MIA2: variants seen among roughly 807,000 people sequenced by gnomAD.
MIA2 encodes the protein melanoma inhibitory activity protein 2.
A neutral mutation model predicts 167.8 loss-of-function variants in MIA2; 127 were observed. The observed-to-expected ratio is 0.76, with a 90% CI of 0.66 to 0.88. The LOEUF is 0.88. Among genes scored for constraint, MIA2 ranks in the 40% least tolerant of loss-of-function variants. MIA2 has a pLI of 0.00. For missense variants in MIA2, 1,690 were observed against 1,624.7 expected, an observed-to-expected ratio of 1.04 and a Z score of -0.69; for synonymous variants, 552 against 541.9, an observed-to-expected ratio of 1.02 and a Z score of -0.26.
At chr14:39,387,245 C>T (rs770656943) in exon 24 of MIA2, 6 of 344,330 alleles carry the variant, frequency 1.7e-5, no homozygotes, top group Admixed American at 4.8e-5. Context: ...ATTCACCCTT[C>T]TAGATGCCAT....
chr14:39,291,049 A>C lies in MIA2; in HGVS notation c.2161A>C (p.Lys721Gln). 1 of 1,608,186 alleles carries C rather than the reference A, an allele frequency of 6.2e-7. No individual in the cohort carries two copies. The highest frequency in any genetic ancestry group is 1.7e-5 in the Admixed American group (1 of 58,906). ...AGGCTATGAAGTAGAGTCATCTTTA[A>C]AGGATGCCAGCTTTGAGAAGGAGGC... is the stretch of plus-strand genomic sequence containing the variant. ...YEGYEVESSL[K>Q]DASFEKEATE... Residue 721 changes from lysine (K) to glutamine (Q), a missense_variant, in exon 10 of 29, where the codon AAG becomes CAG. Lys to Gln is a moderately conservative substitution (Grantham distance 53, BLOSUM62 1). Transcript: ENST00000640607.
chr14:39,285,131 A>C (rs1028078346), intron 9 of MIA2, among the ~76,000 whole-genome samples: 5 of 152,198 alleles, frequency 3.3e-5, no homozygotes, highest in African/African-American at 1.2e-4. Flanking sequence ...GAACAAAATG[A>C]AGTCTCCCAT....
chr14:39,298,365 T>C (rs1420255611), intron 13 of MIA2, among the ~76,000 whole-genome samples: 1 of 146,556 alleles, frequency 6.8e-6, no homozygotes, highest in Non-Finnish European at 1.5e-5. Flanking sequence ...AAATGTGAAT[T>C]TTTTCTTGGA....
At chr14:39,331,818 T>TC (rs2068949843) in intron 25 of MIA2, among the ~76,000 whole-genome samples, 1 of 152,216 alleles carries the variant, frequency 6.6e-6, no homozygotes, top group Non-Finnish European at 1.5e-5. Context: ...TGCAGAGAGA[T>TC]CCGCTGTTAG....
In MIA2 at chr14:39,320,940, A is replaced by G. The variant is rs2066303488; in HGVS notation, c.3380A>G (p.Tyr1127Cys). Reference protein sequence around the residue: ...NTAFGREHSPYGPSPLGWPSS... With the variant: ...NTAFGREHSPCGPSPLGWPSS... ...TTAATTATTCCAGAGCATTCCCCAT[A>G]TGGTCCCTCACCATTGGGTTGGCCT... Residue 1127 changes from tyrosine (Y) to cysteine (C), a missense_variant, in exon 24 of 29, where the codon TAT becomes TGT. By Grantham distance (194) the Tyr-to-Cys change is radical. Transcript: ENST00000640607. 2 of 1,613,104 alleles carry G rather than the reference A, an allele frequency of 1.2e-6. No individual in the cohort carries two copies. Among genetic ancestry groups the G allele is most frequent in the East Asian group, 2.2e-5 (1 of 44,852 alleles).
chr14:39,295,121 T>C (rs1595200996), intron 13 of MIA2, 92 bp downstream of exon 13: 4 of 855,984 alleles, frequency 4.7e-6, no homozygotes, highest in Non-Finnish European at 7.8e-6. Flanking sequence ...GGGACAAGTA[T>C]AGGCTTTTCC....
rs112144897 is a variant in MIA2, at chr14:39,287,297, G to A, written c.2131-3722G>A. Among the ~76,000 whole-genome samples, 665 of 151,934 alleles carry A rather than the reference G, an allele frequency of 4.4e-3. 5 individuals are homozygous for A. The highest frequency in any genetic ancestry group is 0.015 in the African/African-American group (607 of 41,460). On this transcript the variant is annotated intron_variant, in intron 9 of 28. Transcript: ENST00000640607. ...TGGCCAAGTTGCCCAAGCTGGTCTC[G>A]AACTTGGGCTCAAGTGATCCGCTTA...
intron 21 of MIA2, among the ~76,000 whole-genome samples, chr14:39,316,826 G>A (rs890742856): frequency 6.6e-6 from 1 of 152,076 alleles, no homozygotes; most frequent in African/African-American, 2.4e-5. Flanking sequence ...CAGTCCCAGG[G>A]TAAGACGGTA....
At chr14:39,254,219 T>C (rs1388650069) in intron 6 of MIA2, among the ~76,000 whole-genome samples, 1 of 152,062 alleles carries the variant, frequency 6.6e-6, no homozygotes, top group Non-Finnish European at 1.5e-5. Context: ...ATAGGCATTC[T>C]AGGTTGAGAA....
intron 6 of MIA2, among the ~76,000 whole-genome samples, chr14:39,264,407 G>A (rs918600009): frequency 2.0e-5 from 3 of 152,196 alleles, no homozygotes; most frequent in Admixed American, 1.3e-4. Context: ...CAATGAACAT[G>A]AGAGTGCACG....
chr14:39,320,871 T>C, intron 23 of MIA2, 57 bp from the exon 24 acceptor site: 1 of 1,572,168 alleles, frequency 6.4e-7, no homozygotes. Flanking sequence ...GGATTCTAAC[T>C]CTGTAGTGTA....
At chr14:39,286,131 C>T (rs911096731) in intron 9 of MIA2, among the ~76,000 whole-genome samples, 1 of 152,210 alleles carries the variant, frequency 6.6e-6, no homozygotes, top group Non-Finnish European at 1.5e-5. Context: ...CGAGATCACA[C>T]CACTGCACTC....
chr14:39,362,628 C>T (rs2074710129), intron 23 of MIA2, among the ~76,000 whole-genome samples: 1 of 151,132 alleles, frequency 6.6e-6, no homozygotes, highest in Non-Finnish European at 1.5e-5. Flanking sequence ...TTTACAAATA[C>T]CCAACTTTTT....
chr14:39,265,623 G>T (rs2055484757), intron 6 of MIA2: 2 of 435,924 alleles, frequency 4.6e-6, no homozygotes, highest in African/African-American at 2.1e-5. Flanking sequence ...ACTTAGGGAG[G>T]GCAAAGGGAG....
At chr14:39,373,529 T>C (rs1278947489) in intron 23 of MIA2, among the ~76,000 whole-genome samples, 2 of 152,080 alleles carry the variant, frequency 1.3e-5, no homozygotes, top group Non-Finnish European at 2.9e-5. Flanking sequence ...TGTGTAGAAA[T>C]GAGAAAATAG....
Position 39,293,366 on chromosome 14 carries a change from T to C in MIA2, c.2304T>C (p.Ser768=). Residue 768 remains serine, a synonymous_variant, in exon 11 of 29, where the codon TCT becomes TCC. Coordinates refer to ENST00000640607, the MANE Select transcript of MIA2 (RefSeq NM_001329214.4). ...TAAAAGAAGAGAAATCCAAACATTCTGAACAAGATGAATTGGTAAGGCTTT... is the reference window on the plus strand; with the variant it reads ...TAAAAGAAGAGAAATCCAAACATTCCGAACAAGATGAATTGGTAAGGCTTT... ...KELKEEKSKH[S]EQDELMADIS... 6.3e-7 allele frequency: 1 copy of C among 1,583,914 alleles called. No homozygotes were observed. The highest frequency in any genetic ancestry group is 8.6e-7 in the Non-Finnish European group (1 of 1,157,046).
Position 39,285,777 on chromosome 14 carries a change from C to T in MIA2, c.2131-5242C>T, listed in dbSNP as rs1330029195. Among the ~76,000 whole-genome samples, 15 of 149,546 alleles carry T rather than the reference C, an allele frequency of 1.0e-4. 1 individual carries two copies. In the South Asian group the frequency reaches 1.5e-3, roughly 15 times the overall value. On this transcript the variant is annotated intron_variant, in intron 9 of 28. Coordinates refer to ENST00000640607, the MANE Select transcript of MIA2 (RefSeq NM_001329214.4). The stretch of plus-strand genomic sequence containing the variant: ...CTCACTTCTCAGACGGGGCGGCTGC[C>T]GGGCGGAGGGGCTCCTCACTTCTCA...
intron 9 of MIA2, among the ~76,000 whole-genome samples, chr14:39,288,460 TATATATATA>T (rs2060188104): frequency 9.4e-4 from 15 of 15,950 alleles, no homozygotes; most frequent in South Asian, 7.5e-3. Flanking sequence ...TATATATATA[TATATATATA>T]TATATATTTT....
chr14:39,291,077 C>T lies in MIA2; in HGVS notation c.2189C>T (p.Thr730Ile). The T allele has an allele frequency of 6.2e-7, 1 of 1,604,700 alleles. No individual in the cohort carries two copies. The highest frequency in any genetic ancestry group is 8.5e-7 in the Non-Finnish European group (1 of 1,176,656). The change falls in exon 10 of 29, where the codon ACA becomes ATA. Residue 730 changes from threonine to isoleucine, a missense_variant. By Grantham distance (89) the Thr-to-Ile change is moderately conservative. Coordinates refer to ENST00000640607, the MANE Select transcript of MIA2 (RefSeq NM_001329214.4). ...LKDASFEKEA[T>I]EAQSLEATCE... Reference sequence around the variant, plus strand: ...GATGCCAGCTTTGAGAAGGAGGCAACAGAAGCACAAAGTTTGGAGGTAGAA... The same window carrying T: ...GATGCCAGCTTTGAGAAGGAGGCAATAGAAGCACAAAGTTTGGAGGTAGAA...
Sources: allele counts gnomAD v4.1 joint callset (sites outside exome capture counted in the v4.1 genomes callset), GRCh38; gene constraint gnomAD v4.1.1; transcripts MANE v1.5; gene names NCBI Gene and HGNC (gene_info 2026-07-23, HGNC 2026-07-21).